ADAD1: variants seen among roughly 807,000 people sequenced by gnomAD.
ADAD1 encodes the protein adenosine deaminase domain-containing protein 1.
In ADAD1, 46 loss-of-function variants were observed where a neutral mutation model predicts 66.8. That is an observed-to-expected ratio of 0.69 (90% CI 0.54 to 0.88). The LOEUF is 0.88. ADAD1 is among the 40% of genes least tolerant of loss of function. The probability of loss-of-function intolerance (pLI) is 0.00; values close to 1 mark genes in which losing one functional copy is unlikely to be tolerated. For synonymous variants in ADAD1, 248 were observed against 229.4 expected (o/e 1.08, Z -0.73); for missense variants, 617 against 681.8 (o/e 0.91, Z 1.06).
At chr4:122,407,604 A>G (rs1368122804) in intron 7 of ADAD1, among the ~76,000 whole-genome samples, 1 of 152,222 alleles carries the variant, frequency 6.6e-6, no homozygotes, top group African/African-American at 2.4e-5. Flanking sequence ...CTAGATGTAG[A>G]AGAAATAGAA....
chr4:122,415,446 C>T lies in ADAD1; in HGVS notation c.1317C>T (p.Leu439=), dbSNP rs754512725. Residue 439 remains leucine, a synonymous_variant, in exon 11 of 13, where the codon CTC becomes CTT. Coordinates refer to ENST00000296513, the MANE Select transcript of ADAD1 (RefSeq NM_139243.4). The part of the protein sequence containing the change: ...IAIKQRVDDA[L]TSKLPMFYLV... ...TAAAGCAACGTGTTGATGATGCACT[C>T]ACTTCAAAACTTCCAATGTTTTACT... is the stretch of plus-strand genomic sequence containing the variant. 1.2e-6 allele frequency: 2 copies of T among 1,613,868 alleles called. No homozygotes were observed. The highest frequency in any genetic ancestry group is 1.7e-6 in the Non-Finnish European group (2 of 1,179,836).
intron 6 of ADAD1, among the ~76,000 whole-genome samples, chr4:122,395,404 C>G (rs901355057): frequency 6.6e-6 from 1 of 151,956 alleles, no homozygotes; most frequent in South Asian, 2.1e-4. Flanking sequence ...ATAATGAGGC[C>G]GGGCGCGGTG....
At chr4:122,425,538 C>A (rs1478422727) in intron 12 of ADAD1, among the ~76,000 whole-genome samples, 2 of 150,674 alleles carry the variant, frequency 1.3e-5, no homozygotes, top group African/African-American at 2.4e-5. Context: ...CATTTGTATC[C>A]ATAAGTTATG....
intron 12 of ADAD1, among the ~76,000 whole-genome samples, chr4:122,422,977 AAAGAAGAAG>A (rs1553925583): frequency 6.7e-6 from 1 of 149,120 alleles, no homozygotes; most frequent in Non-Finnish European, 1.5e-5. Flanking sequence ...AAAAAAAAAA[AAAGAAGAAG>A]AAGAAGAAGA....
At chr4:122,387,907 C>G (rs780132584) in intron 5 of ADAD1, among the ~76,000 whole-genome samples, 5 of 151,898 alleles carry the variant, frequency 3.3e-5, no homozygotes, top group Non-Finnish European at 5.9e-5. Flanking sequence ...CTACAGGCAC[C>G]TGCCACCACA....
chr4:122,391,382 T>G (rs1003888459), intron 5 of ADAD1, among the ~76,000 whole-genome samples: 8 of 152,208 alleles, frequency 5.3e-5, no homozygotes, highest in Non-Finnish European at 7.4e-5. Flanking sequence ...AGGCACTTTG[T>G]CCTTTGTTGG....
At chr4:122,396,814 A>G (rs1400975737) in intron 7 of ADAD1, among the ~76,000 whole-genome samples, 1 of 152,204 alleles carries the variant, frequency 6.6e-6, no homozygotes, top group African/African-American at 2.4e-5. Flanking sequence ...TCTTACATTC[A>G]TCTCTGAATT....
chr4:122,401,194 TTG>T, intron 7 of ADAD1, among the ~76,000 whole-genome samples: 1 of 152,250 alleles, frequency 6.6e-6, no homozygotes, highest in Admixed American at 6.5e-5. Flanking sequence ...TTTTGATAGA[TTG>T]TGTCACAATT....
At chr4:122,398,915 T>G (rs1795841004) in intron 7 of ADAD1, among the ~76,000 whole-genome samples, 1 of 152,192 alleles carries the variant, frequency 6.6e-6, no homozygotes, top group African/African-American at 2.4e-5. Context: ...TCTCCCACTC[T>G]GTGGCTTGTC....
intron 7 of ADAD1, 52 bp downstream of exon 7, chr4:122,396,429 A>G (rs1795720183): frequency 7.0e-7 from 1 of 1,433,126 alleles, no homozygotes; most frequent in Non-Finnish European, 9.4e-7. Flanking sequence ...TAATAGTAAT[A>G]TTTTAGTTAA....
At chr4:122,393,687 T>A in intron 6 of ADAD1, 30 bp downstream of exon 6, 2 of 1,491,734 alleles carry the variant, frequency 1.3e-6, no homozygotes, top group Non-Finnish European at 1.8e-6. Flanking sequence ...CGTTCTTCTT[T>A]AGAAGAGTAG....
At chr4:122,416,053 C>A (rs1416027936) in intron 11 of ADAD1, among the ~76,000 whole-genome samples, 1 of 152,102 alleles carries the variant, frequency 6.6e-6, no homozygotes, top group African/African-American at 2.4e-5. Context: ...TACTTATGTA[C>A]CCTTACGTGT....
Position 122,383,803 on chromosome 4 carries a change from T to C in ADAD1, c.366T>C (p.Asn122=), listed in dbSNP as rs1795024452. The C allele has an allele frequency of 6.3e-7, 1 of 1,589,712 alleles. No homozygotes were observed. Among genetic ancestry groups the C allele is most frequent in the South Asian group, 1.2e-5 (1 of 84,526 alleles). Residue 122 remains asparagine (N), a synonymous_variant, in exon 5 of 13, where the codon AAT becomes AAC. Transcript: ENST00000296513. ...LDLKETVTTG[N]VMGPYFAFCA... is the part of the protein sequence containing the mutation. ...CATTCTGAGTTCTTTTTCAAGGTAA[T>C]GTTATGGGACCATATTTTGCCTTTT...
In ADAD1 at chr4:122,391,857, G is replaced by A. The variant is rs149835616; in HGVS notation, c.530-1732G>A. Among the ~76,000 whole-genome samples the A allele has an allele frequency of 2.0e-3, 303 of 152,078 alleles. 1 individual carries two copies. The highest frequency in any genetic ancestry group is 6.8e-3 in the African/African-American group (284 of 41,468). ...CCTGAGTAGCTGGAATTACAGGTGC[G>A]CGCCACCATGCCCAGCTGACCTTTG... On this transcript the variant is annotated intron_variant, in intron 5 of 12. Coordinates refer to ENST00000296513, the MANE Select transcript of ADAD1 (RefSeq NM_139243.4).
chr4:122,393,701 A>G (rs745727919), intron 6 of ADAD1, 44 bp downstream of exon 6: 4 of 1,410,800 alleles, frequency 2.8e-6, no homozygotes, highest in South Asian at 2.7e-5. Context: ...AGAGTAGCCC[A>G]ATTAAAAATA....
intron 5 of ADAD1, among the ~76,000 whole-genome samples, chr4:122,385,501 G>C (rs1030222940): frequency 6.6e-6 from 1 of 152,154 alleles, no homozygotes; most frequent in African/African-American, 2.4e-5. Context: ...TTGAACTCCT[G>C]ACCTCAAGTG....
At chr4:122,415,945 G>A (rs1796713831) in intron 11 of ADAD1, among the ~76,000 whole-genome samples, 1 of 151,998 alleles carries the variant, frequency 6.6e-6, no homozygotes, top group Non-Finnish European at 1.5e-5. Context: ...ATTAGTATTA[G>A]AATCATGTAA....
chr4:122,407,769 T>C, intron 7 of ADAD1, 139 bp from the exon 8 acceptor site: 3 of 988,720 alleles, frequency 3.0e-6, no homozygotes, highest in Non-Finnish European at 4.2e-6. Context: ...AAGACTCTTA[T>C]TTTAAATTGT....
intron 3 of ADAD1, chr4:122,380,587 A>G (rs1638571135): frequency 3.3e-6 from 1 of 300,518 alleles, no homozygotes; most frequent in Non-Finnish European, 6.0e-6. Flanking sequence ...GGGCAAACAT[A>G]CTTTAAAATT....
Sources: gnomAD v4.1 joint callset for allele counts (sites outside exome capture counted in the v4.1 genomes callset) on GRCh38, gnomAD v4.1.1 for gene constraint, MANE v1.5 for transcripts, NCBI Gene and HGNC (gene_info 2026-07-23, HGNC 2026-07-21) for gene names.